GRXCR2: variants seen among roughly 807,000 people sequenced by gnomAD.
The protein encoded by GRXCR2 is glutaredoxin and cysteine rich domain containing 2.
A neutral mutation model predicts 24.8 loss-of-function variants in GRXCR2; 23 were observed. The ratio of observed to expected loss-of-function variants is 0.93; its 90% confidence interval spans 0.67 to 1.32. The LOEUF (loss-of-function observed/expected upper bound fraction) is 1.32. Among genes scored for constraint, GRXCR2 ranks in the 40% most tolerant of loss-of-function variants. The pLI, the probability that GRXCR2 is intolerant of heterozygous loss-of-function variation, is 0.00. For synonymous variants in GRXCR2, 130 were observed against 116.1 expected, an observed-to-expected ratio of 1.12 and a Z score of -0.77; for missense variants, 315 against 303.4, an observed-to-expected ratio of 1.04 and a Z score of -0.28.
At chr5:145,864,510 G>A (rs1207007410) in intron 2 of GRXCR2, among the ~76,000 whole-genome samples, 1 of 152,136 alleles carries the variant, frequency 6.6e-6, no homozygotes, top group East Asian at 1.9e-4. Context: ...GTCAAGGGGG[G>A]AACCTGGTGG....
intron 2 of GRXCR2, among the ~76,000 whole-genome samples, chr5:145,900,090 A>C (rs1262333319): frequency 6.6e-6 from 1 of 152,094 alleles, no homozygotes; most frequent in African/African-American, 2.4e-5. Flanking sequence ...AAAATGGGCA[A>C]CAGATATTGA....
intron 2 of GRXCR2, among the ~76,000 whole-genome samples, chr5:145,919,883 C>T (rs1561691638): frequency 6.6e-6 from 1 of 152,174 alleles, no homozygotes; most frequent in Non-Finnish European, 1.5e-5. Context: ...ATGTCCTCAA[C>T]ACATAGTACA....
intron 1 of GRXCR2, among the ~76,000 whole-genome samples, chr5:145,868,480 A>G (rs1432764): frequency 0.027 from 4,115 of 152,146 alleles, 65 homozygotes; most frequent in Middle Eastern, 0.054. Context: ...CCCTTTCTTC[A>G]AGGGATCGTG....
intron 2 of GRXCR2, among the ~76,000 whole-genome samples, chr5:145,927,497 T>C (rs912080472): frequency 6.6e-6 from 1 of 152,232 alleles, no homozygotes; most frequent in Non-Finnish European, 1.5e-5. Context: ...CATATGGTTT[T>C]TGTCATTGGT....
At chr5:145,914,080 C>T (rs919281740) in intron 2 of GRXCR2, among the ~76,000 whole-genome samples, 8 of 152,110 alleles carry the variant, frequency 5.3e-5, no homozygotes, top group South Asian at 2.1e-4. Context: ...GTAAGATGAG[C>T]GCAGCAACTA....
chr5:145,870,002 T>C (rs1337896238), intron 1 of GRXCR2, among the ~76,000 whole-genome samples: 2 of 152,190 alleles, frequency 1.3e-5, no homozygotes, highest in Non-Finnish European at 2.9e-5. Flanking sequence ...GGACTGAACA[T>C]CAAGCTCAGG....
At chr5:145,916,491 G>A (rs1757240543) in intron 2 of GRXCR2, among the ~76,000 whole-genome samples, 2 of 152,142 alleles carry the variant, frequency 1.3e-5, no homozygotes, top group South Asian at 4.2e-4. Flanking sequence ...TGAACCCTGA[G>A]GGGAGTCTAT....
chr5:145,869,321 G>T (rs918576528), intron 1 of GRXCR2, among the ~76,000 whole-genome samples: 1 of 152,168 alleles, frequency 6.6e-6, no homozygotes, highest in African/African-American at 2.4e-5. Context: ...TAGGTGTTCA[G>T]TAAATGTTAC....
intron 2 of GRXCR2, among the ~76,000 whole-genome samples, chr5:145,901,930 G>A (rs1212590416): frequency 6.6e-6 from 1 of 152,178 alleles, no homozygotes; most frequent in Non-Finnish European, 1.5e-5. Context: ...GTAATGAGAA[G>A]TAGGCAGATT....
chr5:145,910,039 C>T (rs1385197756), intron 2 of GRXCR2, among the ~76,000 whole-genome samples: 1 of 152,168 alleles, frequency 6.6e-6, no homozygotes, highest in East Asian at 1.9e-4. Flanking sequence ...AACTGTCACG[C>T]TGTGGCTGAA....
chr5:145,927,538 T>C (rs542068574), intron 2 of GRXCR2, among the ~76,000 whole-genome samples: 7 of 152,326 alleles, frequency 4.6e-5, no homozygotes, highest in African/African-American at 1.4e-4. Context: ...CGTTTATTGA[T>C]TTGCGTATGT....
chr5:145,926,519 T>C (rs910421439), intron 2 of GRXCR2, among the ~76,000 whole-genome samples: 2 of 152,204 alleles, frequency 1.3e-5, no homozygotes, highest in African/African-American at 4.8e-5. Context: ...GTCAGGTTTG[T>C]CAAAGATCAG....
intron 2 of GRXCR2, among the ~76,000 whole-genome samples, chr5:145,896,218 A>G (rs1311227631): frequency 6.6e-6 from 1 of 152,232 alleles, no homozygotes; most frequent in African/African-American, 2.4e-5. Flanking sequence ...GGACATAGGC[A>G]TGGGCAAGGA....
At chr5:145,927,713 G>A (rs1467207070) in intron 2 of GRXCR2, among the ~76,000 whole-genome samples, 2 of 152,074 alleles carry the variant, frequency 1.3e-5, no homozygotes, top group Admixed American at 1.3e-4. Flanking sequence ...GTCTCTGCCA[G>A]GCTTTGGTAT....
downstream of GRXCR2, chr5:145,858,410 T>C (rs1248736380): frequency 6.7e-6 from 1 of 149,162 alleles, no homozygotes; most frequent in Non-Finnish European, 1.5e-5. Flanking sequence ...TGAGAAAACA[T>C]AAACAGAGGC....
At chr5:145,884,421 A>G (rs981614364) in intron 2 of GRXCR2, among the ~76,000 whole-genome samples, 1 of 152,222 alleles carries the variant, frequency 6.6e-6, no homozygotes, top group African/African-American at 2.4e-5. Flanking sequence ...TGGTATTAAT[A>G]TCAGAAGGAA....
intron 2 of GRXCR2, among the ~76,000 whole-genome samples, chr5:145,882,597 T>C (rs994505495): frequency 6.6e-6 from 1 of 152,170 alleles, no homozygotes; most frequent in Admixed American, 6.5e-5. Flanking sequence ...GTTCAACCAT[T>C]GTGGAAGACA....
chr5:145,890,661 C>A (rs373993351), intron 2 of GRXCR2, among the ~76,000 whole-genome samples: 2 of 152,078 alleles, frequency 1.3e-5, no homozygotes, highest in Non-Finnish European at 2.9e-5. Flanking sequence ...CCTGTTACCA[C>A]AAAAACACAG....
At chr5:145,888,875 A>G (rs940435248) in intron 2 of GRXCR2, among the ~76,000 whole-genome samples, 15 of 152,136 alleles carry the variant, frequency 9.9e-5, no homozygotes, top group African/African-American at 3.6e-4. Context: ...GCACAAAGGC[A>G]TAAGAATGAC....
Sources: gnomAD v4.1 joint callset for allele counts (sites outside exome capture counted in the v4.1 genomes callset) on GRCh38, gnomAD v4.1.1 for gene constraint, MANE v1.5 for transcripts, NCBI Gene and HGNC (gene_info 2026-07-23, HGNC 2026-07-21) for gene names.